Variants in PTK7 observed in about 807,000 individuals in gnomAD.
PTK7 encodes the protein protein tyrosine kinase 7 (inactive).
In PTK7, 39 loss-of-function variants were observed where a neutral mutation model predicts 116.6. That is an observed-to-expected ratio of 0.33 (90% CI 0.26 to 0.44). PTK7 has a LOEUF of 0.44. PTK7 is among the 20% of genes least tolerant of loss of function. PTK7 has a pLI of 1.00. For missense variants in PTK7, 1,169 were observed against 1,425.6 expected (o/e 0.82, Z 2.90); for synonymous variants, 546 against 563.6 (o/e 0.97, Z 0.44).
At chr6:43,150,632 A>G (rs569033966) in intron 17 of PTK7, among the ~76,000 whole-genome samples, 1 of 152,090 alleles carries the variant, frequency 6.6e-6, no homozygotes, top group Non-Finnish European at 1.5e-5. Context: ...CAGAGAATCA[A>G]GCAAGGTTGG....
At chr6:43,157,787 C>T (rs1303767145) in intron 17 of PTK7, among the ~76,000 whole-genome samples, 7 of 151,848 alleles carry the variant, frequency 4.6e-5, no homozygotes, top group African/African-American at 7.2e-5. Flanking sequence ...AGTGCAATGG[C>T]GCAATCTCGG....
In PTK7 at chr6:43,132,679, CTG is replaced by C; in HGVS notation, c.1223_1224del (p.Val408GlyfsTer67). ...CAGCGGAGACAGGATGTCAACATCA[CTG>C]TGGCCAGTGAGCACCTTTGCCCTGA... On this transcript the variant is annotated frameshift_variant, in exon 7 of 20. Coordinates refer to ENST00000230419, the MANE Select transcript of PTK7 (RefSeq NM_002821.5). LOFTEE classifies it high-confidence loss of function. 1 of 1,562,284 alleles carries C rather than the reference CTG, an allele frequency of 6.4e-7. No homozygotes were observed. The highest frequency in any genetic ancestry group is 8.7e-7 in the Non-Finnish European group (1 of 1,153,164).
At chr6:43,092,326 A>G (rs1398260670) in intron 1 of PTK7, among the ~76,000 whole-genome samples, 3 of 151,966 alleles carry the variant, frequency 2.0e-5, no homozygotes, top group African/African-American at 7.3e-5. Context: ...GGTGTGTGCC[A>G]TCACGCCCAG....
In PTK7 at chr6:43,145,663, A is replaced by C; in HGVS notation, c.2640+231A>C. 2 of 340,352 alleles carry C rather than the reference A, an allele frequency of 5.9e-6. No homozygotes were observed. Among genetic ancestry groups the C allele is most frequent in the Non-Finnish European group, 5.3e-6 (1 of 188,724 alleles). The allele number at this position is 340,352 out of a possible 1,614,324, so 21.1% of individuals were successfully genotyped here. A position where few individuals can be genotyped will look rare whatever the true frequency, so the allele number is the denominator to read the frequency against. On this transcript the variant is annotated intron_variant, in intron 16 of 19. Coordinates refer to ENST00000230419, the MANE Select transcript of PTK7 (RefSeq NM_002821.5). The surrounding 1 kb of genome is among the most constrained non-coding windows in gnomAD (Gnocchi z 4.8). ...CACCCAGTCTTTCCATCTGTATCTC[A>C]GGGGCGTTGGTCCTAAGTTTTTCTG...
rs1405916862 is a variant in PTK7 at position 43,161,033 on chromosome 6, T to A, written c.*152T>A. ...TGAGGTCTGAGCAGGGCCTGGCCTT[T>A]CCTCCTCTTCCTCACCCTCATCCTT... On this transcript the variant is annotated 3_prime_UTR_variant, in exon 20 of 20. Transcript: ENST00000230419. 10 of 1,075,992 alleles carry A rather than the reference T, an allele frequency of 9.3e-6. No homozygotes were observed. Among genetic ancestry groups the A allele is most frequent in the Non-Finnish European group, 1.3e-5 (10 of 774,608 alleles). The allele number at this position is 1,075,992 out of a possible 1,614,324, so 66.7% of individuals were successfully genotyped here. A position where few individuals can be genotyped will look rare whatever the true frequency, so the allele number is the denominator to read the frequency against.
chr6:43,096,813 G>A (rs1020854214), intron 1 of PTK7, among the ~76,000 whole-genome samples: 7 of 152,232 alleles, frequency 4.6e-5, no homozygotes, highest in African/African-American at 1.2e-4. Context: ...GCACAAAGAC[G>A]GATTTCACTT....
intron 7 of PTK7, among the ~76,000 whole-genome samples, chr6:43,134,749 C>A (rs1489937815): frequency 6.6e-6 from 1 of 150,894 alleles, no homozygotes; most frequent in Non-Finnish European, 1.5e-5. Context: ...CATTGCACTC[C>A]AGCCTGGGTG....
At position 43,129,161 on chromosome 6, in the gene PTK7, A is replaced by G. The variant is rs1440361278; in HGVS notation, c.264A>G (p.Ala88=). The change falls in exon 2 of 20, where the codon GCA becomes GCG. Residue 88 remains alanine (A), a synonymous_variant. Transcript: ENST00000230419. The surrounding 1 kb of genome is among the most constrained non-coding windows in gnomAD (Gnocchi z 4.5). ...RFAQGSSLSF[A]AVDRLQDSGT... ...CCCAGGGCAGCAGCCTGAGCTTTGC[A>G]GCTGTGGACCGGCTGCAGGACTCTG... 1 of 1,614,198 alleles carries G rather than the reference A, an allele frequency of 6.2e-7. No homozygotes were observed.
intron 7 of PTK7, chr6:43,138,578 C>G (rs1325513809): frequency 2.0e-5 from 6 of 293,458 alleles, no homozygotes; most frequent in Admixed American, 4.6e-5. Flanking sequence ...GGAAAAATCA[C>G]TTGAGCCTAT....
At chr6:43,077,632 C>T (rs1766130698) in intron 1 of PTK7, among the ~76,000 whole-genome samples, 1 of 152,236 alleles carries the variant, frequency 6.6e-6, no homozygotes, top group Non-Finnish European at 1.5e-5. Context: ...CGACCCTCCA[C>T]AACACTCCTT....
chr6:43,099,951 G>A (rs951007430), intron 1 of PTK7, among the ~76,000 whole-genome samples: 14 of 152,092 alleles, frequency 9.2e-5, no homozygotes, highest in African/African-American at 3.4e-4. Context: ...GCAATGGCAC[G>A]ATTCTCCTGC....
At chr6:43,098,967 A>G (rs1037886942) in intron 1 of PTK7, among the ~76,000 whole-genome samples, 3 of 152,174 alleles carry the variant, frequency 2.0e-5, no homozygotes, top group Non-Finnish European at 4.4e-5. Flanking sequence ...CTTTAGGCCA[A>G]TAGATTAATT....
intron 1 of PTK7, among the ~76,000 whole-genome samples, chr6:43,121,377 T>C (rs1330214105): frequency 6.6e-6 from 1 of 152,224 alleles, no homozygotes. Flanking sequence ...GTTCTGTTTC[T>C]CTAATCTGGA....
At chr6:43,132,874 T>G in intron 7 of PTK7, 187 bp downstream of exon 7, 1 of 792,308 alleles carries the variant, frequency 1.3e-6, no homozygotes, top group Admixed American at 2.2e-5. Context: ...TTAGGGTGGG[T>G]GCTCCAGAGG....
chr6:43,105,561 C>T (rs1400071656), intron 1 of PTK7, among the ~76,000 whole-genome samples: 2 of 151,280 alleles, frequency 1.3e-5, no homozygotes, highest in African/African-American at 4.9e-5. Flanking sequence ...GTGAATATGA[C>T]TTTATTTGGA....
At chr6:43,088,927 G>C (rs1582064756) in intron 1 of PTK7, among the ~76,000 whole-genome samples, 1 of 152,058 alleles carries the variant, frequency 6.6e-6, no homozygotes, top group Non-Finnish European at 1.5e-5. Context: ...GATGTATGCT[G>C]AGCAGTGCTG....
Position 43,143,457 on chromosome 6 carries a change from T to G in PTK7, c.2088T>G (p.Pro696=), listed in dbSNP as rs1036437395. ...VPEESEGPGS[P]PPYKMIQTIG... ...AGGAGTCGGAGGGCCCTGGCAGCCC[T>G]CCCCCCTACAAGATGATCCAGACCA... The change falls in exon 14 of 20, where the codon CCT becomes CCG. Residue 696 remains proline, a synonymous_variant. Coordinates refer to ENST00000230419, the MANE Select transcript of PTK7 (RefSeq NM_002821.5). This position sits in a 1 kb window ranked among gnomAD's most constrained non-coding sequence, Gnocchi z 4.2. The G allele has an allele frequency of 2.5e-6, 4 of 1,613,408 alleles. No homozygotes were observed. The highest frequency in any genetic ancestry group is 1.7e-5 in the Admixed American group (1 of 59,942).
intron 17 of PTK7, among the ~76,000 whole-genome samples, chr6:43,150,202 G>A (rs1770985955): frequency 6.6e-6 from 1 of 152,190 alleles, no homozygotes. Flanking sequence ...TGCCGTGGCA[G>A]GAAACAGAAG....
rs184481540 is a variant in PTK7, at chr6:43,137,867, C to T, written c.1229-982C>T. Among the ~76,000 whole-genome samples, 396 of 152,190 alleles carry T rather than the reference C, an allele frequency of 2.6e-3. 6 individuals carry two copies. The highest frequency in any genetic ancestry group is 9.2e-3 in the African/African-American group (382 of 41,508). On this transcript the variant is annotated intron_variant, in intron 7 of 19. Coordinates refer to ENST00000230419, the MANE Select transcript of PTK7 (RefSeq NM_002821.5). ...TTTCGCCCAGGCTGGAGTGCAGTGG[C>T]GTGATCTCGGCTCACTGCAACCTCC...
Sources: allele counts gnomAD v4.1 joint callset (sites outside exome capture counted in the v4.1 genomes callset), GRCh38; gene constraint gnomAD v4.1.1; non-coding constraint Gnocchi (gnomAD v3.1); transcripts MANE v1.5; gene names NCBI Gene and HGNC (gene_info 2026-07-23, HGNC 2026-07-21).